CDIN1: variants seen among roughly 807,000 people sequenced by gnomAD.
CDIN1 encodes the protein CDAN1 interacting nuclease 1, also known as CDAN1-interacting nuclease 1.
A neutral mutation model predicts 45.3 loss-of-function variants in CDIN1; 33 were observed. The observed-to-expected ratio is 0.73, with a 90% CI of 0.55 to 0.97. The LOEUF (loss-of-function observed/expected upper bound fraction) is 0.97. Ranked by LOEUF, CDIN1 falls within the 50% of genes least tolerant of loss-of-function variation. The pLI is 0.00. For synonymous variants in CDIN1, 118 were observed against 124.4 expected (o/e 0.95, Z 0.34); for missense variants, 303 against 339.4 (o/e 0.89, Z 0.84).
intron 3 of CDIN1, among the ~76,000 whole-genome samples, chr15:36,651,964 A>G (rs139153691): frequency 6.6e-6 from 1 of 152,230 alleles, no homozygotes; most frequent in Non-Finnish European, 1.5e-5. Context: ...CAACTTTTAC[A>G]TGAAGCCATG....
chr15:36,605,348 G>A lies in CDIN1; in HGVS notation c.101+25387G>A, dbSNP rs117567361. ...AATAAAGTTTATATAAATCAATAAT[G>A]CTGTTTTTGTAACTTGTATTTTTTT... is the stretch of plus-strand genomic sequence containing the variant. On this transcript the variant is annotated intron_variant, in intron 1 of 10. Transcript: ENST00000566621. Among the ~76,000 whole-genome samples the A allele has an allele frequency of 9.1e-3, 1,378 of 151,960 alleles. 13 individuals are homozygous for A. The highest frequency in any genetic ancestry group is 0.013 in the Admixed American group (202 of 15,260).
intron 1 of CDIN1, among the ~76,000 whole-genome samples, chr15:36,601,097 T>A (rs374407869): frequency 3.3e-5 from 5 of 151,744 alleles, no homozygotes; most frequent in South Asian, 4.2e-4. Context: ...CCTTTCAGAG[T>A]TTACTTAACT....
chr15:36,612,456 C>T (rs771885792), intron 1 of CDIN1, among the ~76,000 whole-genome samples: 12 of 152,106 alleles, frequency 7.9e-5, no homozygotes, highest in Admixed American at 3.3e-4. Context: ...TTCTATCCCT[C>T]GTAAGCGAAC....
At chr15:36,596,431 A>G (rs1050047773) in intron 1 of CDIN1, among the ~76,000 whole-genome samples, 1 of 152,176 alleles carries the variant, frequency 6.6e-6, no homozygotes, top group Non-Finnish European at 1.5e-5. Flanking sequence ...GGATTTTTGC[A>G]TGAAGATATA....
intron 5 of CDIN1, among the ~76,000 whole-genome samples, chr15:36,666,839 A>G (rs1483837131): frequency 6.6e-6 from 1 of 152,240 alleles, no homozygotes; most frequent in African/African-American, 2.4e-5. Flanking sequence ...CAAATAAGCA[A>G]TGATAATAAA....
chr15:36,684,761 G>A lies in CDIN1; in HGVS notation c.347-6924G>A, dbSNP rs1482485904. On this transcript the variant is annotated intron_variant, in intron 5 of 10. Coordinates refer to ENST00000566621, the MANE Select transcript of CDIN1 (RefSeq NM_001321759.2). ...GATTATTGCCACAATTTCAGATCCT[G>A]TTATTGGTCTATTCAGAGATTCAAC... Among the ~76,000 whole-genome samples the A allele has an allele frequency of 5.9e-5, 9 of 152,048 alleles. No homozygotes were observed. In the South Asian group the frequency reaches 1.9e-3, roughly 32 times the overall value.
intron 8 of CDIN1, among the ~76,000 whole-genome samples, chr15:36,701,104 A>C (rs2042616004): frequency 1.2e-5 from 1 of 86,952 alleles, no homozygotes; most frequent in Non-Finnish European, 2.3e-5. Context: ...GTAGGTAGAT[A>C]GATAGATAGA....
At chr15:36,718,251 T>C (rs1026156770) in intron 10 of CDIN1, among the ~76,000 whole-genome samples, 2 of 152,162 alleles carry the variant, frequency 1.3e-5, no homozygotes, top group African/African-American at 4.8e-5. Context: ...AATTCAACAC[T>C]GTTTTGATTA....
chr15:36,707,107 C>G lies in CDIN1; in HGVS notation c.545-2116C>G, dbSNP rs113637999. 2.1e-3 allele frequency: 327 copies of G among 152,168 alleles called. 1 individual carries two copies. Among genetic ancestry groups the G allele is most frequent in the African/African-American group, 7.2e-3 (298 of 41,502 alleles). The allele number at this position is 152,168 out of a possible 1,614,324, so 9.4% of individuals were successfully genotyped here. On this transcript the variant is annotated intron_variant, in intron 8 of 10. Coordinates refer to ENST00000566621, the MANE Select transcript of CDIN1 (RefSeq NM_001321759.2). The stretch of plus-strand genomic sequence containing the variant: ...GTTGAAACAGAGGAGATGGGACAGT[C>G]AGAGTTTAGTAAATAGATTAAAGGA...
intron 10 of CDIN1, among the ~76,000 whole-genome samples, chr15:36,765,673 T>G (rs1380932492): frequency 6.6e-6 from 1 of 152,228 alleles, no homozygotes; most frequent in Non-Finnish European, 1.5e-5. Context: ...ATTATCCTTT[T>G]TCCTAAATTA....
chr15:36,611,884 A>G (rs1234281884), intron 1 of CDIN1, among the ~76,000 whole-genome samples: 2 of 152,240 alleles, frequency 1.3e-5, no homozygotes, highest in African/African-American at 2.4e-5. Flanking sequence ...AAGGAATAAC[A>G]TATAGTAGGA....
chr15:36,701,483 A>T (rs1721609987), intron 8 of CDIN1, among the ~76,000 whole-genome samples: 1 of 152,298 alleles, frequency 6.6e-6, no homozygotes, highest in Admixed American at 6.5e-5. Context: ...CAAAGACAAC[A>T]AGACAGTTTG....
chr15:36,761,900 A>G (rs889282142), intron 10 of CDIN1, among the ~76,000 whole-genome samples: 1 of 152,216 alleles, frequency 6.6e-6, no homozygotes, highest in African/African-American at 2.4e-5. Flanking sequence ...CCAATTGCAA[A>G]TGACTAACAC....
intron 1 of CDIN1, 129 bp downstream of exon 1, chr15:36,580,090 G>A: frequency 1.3e-6 from 1 of 776,232 alleles, no homozygotes. Context: ...GCGTTAGGAG[G>A]TCGAGGTTGG....
intron 1 of CDIN1, among the ~76,000 whole-genome samples, chr15:36,601,299 A>AGGT (rs2038088929): frequency 6.6e-6 from 1 of 152,186 alleles, no homozygotes; most frequent in Non-Finnish European, 1.5e-5. Context: ...GCTGGAATCA[A>AGGT]GGTAGATTTG....
At chr15:36,686,822 G>A (rs1487632890) in intron 5 of CDIN1, among the ~76,000 whole-genome samples, 1 of 130,456 alleles carries the variant, frequency 7.7e-6, no homozygotes, top group Non-Finnish European at 1.6e-5. Context: ...GAGAGAGAGA[G>A]AGGTAGTCAG....
At chr15:36,636,025 G>A (rs1008177937) in intron 1 of CDIN1, among the ~76,000 whole-genome samples, 7 of 152,130 alleles carry the variant, frequency 4.6e-5, no homozygotes, top group Non-Finnish European at 1.0e-4. Context: ...GAATGCAAAA[G>A]CAATGTTGAA....
chr15:36,673,080 G>T (rs2041511530), intron 5 of CDIN1, among the ~76,000 whole-genome samples: 1 of 152,102 alleles, frequency 6.6e-6, no homozygotes, highest in Non-Finnish European at 1.5e-5. Flanking sequence ...ACCCTTTGGA[G>T]TCATCTTCTC....
chr15:36,746,951 T>C (rs2044468242), intron 10 of CDIN1: 2 of 398,370 alleles, frequency 5.0e-6, no homozygotes, highest in Non-Finnish European at 8.8e-6. Flanking sequence ...GATCTCACAA[T>C]GTTCCTCAGG....
Sources: gnomAD v4.1 joint callset for allele counts (sites outside exome capture counted in the v4.1 genomes callset) on GRCh38, gnomAD v4.1.1 for gene constraint, MANE v1.5 for transcripts, NCBI Gene and HGNC (gene_info 2026-07-23, HGNC 2026-07-21) for gene names.